ARHGAP8: variants seen among roughly 807,000 people sequenced by gnomAD.
ARHGAP8 encodes the protein rho GTPase-activating protein 8.
In ARHGAP8, 62 loss-of-function variants were observed where a neutral mutation model predicts 46.1. The ratio of observed to expected loss-of-function variants is 1.34; its 90% confidence interval spans 1.10 to 1.66. The LOEUF (loss-of-function observed/expected upper bound fraction) is 1.66. ARHGAP8 is among the 40% of genes most tolerant of loss of function. The pLI is 0.00. For missense variants in ARHGAP8, 923 were observed against 568.4 expected (o/e 1.62, Z -6.34); for synonymous variants, 375 against 243.1 (o/e 1.54, Z -5.05).
chr22:44,783,607 A>C (rs1410448506), intron 1 of ARHGAP8, among the ~76,000 whole-genome samples: 1 of 151,992 alleles, frequency 6.6e-6, no homozygotes, highest in Non-Finnish European at 1.5e-5. Flanking sequence ...CCTCTGCTCC[A>C]CCGCACTAGA....
At chr22:44,767,369 A>T (rs1925654384) in intron 1 of ARHGAP8, among the ~76,000 whole-genome samples, 1 of 152,084 alleles carries the variant, frequency 6.6e-6, no homozygotes, top group African/African-American at 2.4e-5. Flanking sequence ...GAACTATTGG[A>T]GAGTAAGCTG....
At chr22:44,841,553 T>C (rs1276759282) in intron 7 of ARHGAP8, among the ~76,000 whole-genome samples, 1 of 152,154 alleles carries the variant, frequency 6.6e-6, no homozygotes, top group Non-Finnish European at 1.5e-5. Context: ...GCGCTCAGGG[T>C]ATCTCTCTTC....
At chr22:44,754,916 C>T (rs557407782) in intron 1 of ARHGAP8, among the ~76,000 whole-genome samples, 1 of 152,264 alleles carries the variant, frequency 6.6e-6, no homozygotes, top group African/African-American at 2.4e-5. Flanking sequence ...GAGGCACAGG[C>T]AGCATGAGGG....
chr22:44,861,530 G>A (rs2070484180), intron 11 of ARHGAP8, among the ~76,000 whole-genome samples: 1 of 152,192 alleles, frequency 6.6e-6, no homozygotes, highest in South Asian at 2.1e-4. Flanking sequence ...ATCTGTGAGG[G>A]TGGTGCCTGG....
intron 8 of ARHGAP8, among the ~76,000 whole-genome samples, chr22:44,846,107 G>C (rs1256005724): frequency 6.6e-6 from 1 of 152,072 alleles, no homozygotes; most frequent in Non-Finnish European, 1.5e-5. Flanking sequence ...CCCCTAACAT[G>C]GCCAGACCCC....
chr22:44,860,520 T>G lies in ARHGAP8; in HGVS notation c.981+686T>G, dbSNP rs115916783. On this transcript the variant is annotated intron_variant, in intron 11 of 11. Transcript: ENST00000356099. ...TCACTGGGTTTAGGACCCACCCAGA[T>G]GACGCGGGATGATCTCATCTTGAGA... is the stretch of plus-strand genomic sequence containing the variant. Among the ~76,000 whole-genome samples the G allele has an allele frequency of 2.5e-3, 341 of 134,666 alleles. 2 individuals are homozygous for G. Among genetic ancestry groups the G allele is most frequent in the African/African-American group, 9.0e-3 (326 of 36,214 alleles). The allele number at this position is 134,666 out of a possible 152,430, so 88.3% of individuals were successfully genotyped here. A position where few individuals can be genotyped will look rare whatever the true frequency, so the allele number is the denominator to read the frequency against.
Position 44,848,032 on chromosome 22 carries a change from C to G in ARHGAP8, c.730C>G (p.Gln244Glu), listed in dbSNP as rs1380105315. 3 of 1,607,350 alleles carry G rather than the reference C, an allele frequency of 1.9e-6. No individual in the cohort carries two copies. Among genetic ancestry groups the G allele is most frequent in the African/African-American group, 2.7e-5 (2 of 74,946 alleles). Reference sequence around the variant, plus strand: ...CAGCGTGCAGACCGTCCGCGAGATCCAGAGGCTCTACAACCAAGGTGAGGG... The same window carrying G: ...CAGCGTGCAGACCGTCCGCGAGATCGAGAGGCTCTACAACCAAGGTGAGGG... ...SASVQTVREIQRLYNQGKPVN... is the reference protein window; with the variant it reads ...SASVQTVREIERLYNQGKPVN... Residue 244 changes from glutamine (Q) to glutamate (E), a missense_variant, in exon 9 of 12, where the codon CAG becomes GAG. By Grantham distance (29) the Gln-to-Glu change is conservative. Transcript: ENST00000356099.
chr22:44,839,561 G>A (rs1931516535), intron 7 of ARHGAP8, among the ~76,000 whole-genome samples: 1 of 152,174 alleles, frequency 6.6e-6, no homozygotes, highest in Admixed American at 6.5e-5. Context: ...GAGCAGAGAT[G>A]GAAACCCAGG....
At chr22:44,780,896 G>C (rs1926797636) in intron 1 of ARHGAP8, among the ~76,000 whole-genome samples, 1 of 152,184 alleles carries the variant, frequency 6.6e-6, no homozygotes. Flanking sequence ...GCTAGGTTCT[G>C]TTTCCCATTT....
At position 44,859,758 on chromosome 22, in the gene ARHGAP8, G is replaced by A. The variant is rs1302723534; in HGVS notation, c.905G>A (p.Gly302Asp). 8.1e-6 allele frequency: 13 copies of A among 1,613,800 alleles called. No individual in the cohort carries two copies. In the East Asian group the frequency reaches 1.8e-4, roughly 22 times the overall value. ...GTGGAGAGCAGCCTGCGTGTCACTG[G>A]CTGCCGCCAGATCTTACGGAGCCTC... Reference protein sequence around the residue: ...TCVESSLRVTGCRQILRSLPE... With the variant: ...TCVESSLRVTDCRQILRSLPE... The change falls in exon 11 of 12, where the codon GGC (glycine) becomes GAC (aspartate). Residue 302 changes from glycine (G) to aspartate (D), a missense_variant. By Grantham distance (94) the Gly-to-Asp change is moderately conservative. Transcript: ENST00000356099.
intron 2 of ARHGAP8, among the ~76,000 whole-genome samples, chr22:44,794,402 C>T (rs900530647): frequency 1.3e-5 from 2 of 151,312 alleles, no homozygotes; most frequent in East Asian, 3.9e-4. Context: ...TGCTTTTTTT[C>T]TCTCTCTCTC....
chr22:44,819,425 A>T (rs1274254847), intron 5 of ARHGAP8, among the ~76,000 whole-genome samples: 1 of 152,208 alleles, frequency 6.6e-6, no homozygotes, highest in African/African-American at 2.4e-5. Context: ...TAATCCCAGC[A>T]CTTTGGGAGG....
At chr22:44,859,880 C>T in intron 11 of ARHGAP8, 46 bp downstream of exon 11, 1 of 1,600,020 alleles carries the variant, frequency 6.2e-7, no homozygotes. Context: ...AGTGGCCTTC[C>T]CTCCCATGCT....
chr22:44,861,766 G>T (rs890505242), intron 11 of ARHGAP8, among the ~76,000 whole-genome samples: 6 of 152,194 alleles, frequency 3.9e-5, no homozygotes, highest in Non-Finnish European at 8.8e-5. Context: ...GTAAGATGGG[G>T]AGTAATGACT....
intron 3 of ARHGAP8, among the ~76,000 whole-genome samples, chr22:44,807,525 G>T (rs1929018914): frequency 6.6e-6 from 1 of 152,174 alleles, no homozygotes; most frequent in Admixed American, 6.5e-5. Flanking sequence ...CAGGCAGCCG[G>T]GTGTCTGAGG....
At chr22:44,792,809 T>TGGTGGTGTC (rs1319840987) in intron 2 of ARHGAP8, among the ~76,000 whole-genome samples, 1 of 49,680 alleles carries the variant, frequency 2.0e-5, no homozygotes, top group East Asian at 7.1e-4. Flanking sequence ...GTGGTGGTGG[T>TGGTGGTGTC]GGTTTTTTTT....
chr22:44,862,231 C>A (rs2070527562), intron 11 of ARHGAP8, 44 bp from the exon 12 acceptor site: 2 of 1,548,110 alleles, frequency 1.3e-6, no homozygotes, highest in Non-Finnish European at 1.8e-6. Flanking sequence ...GTGCCCGTGC[C>A]CCTTGGTGTT....
chr22:44,833,207 C>T (rs968277756), intron 7 of ARHGAP8, among the ~76,000 whole-genome samples: 5 of 151,314 alleles, frequency 3.3e-5, no homozygotes, highest in African/African-American at 1.2e-4. Flanking sequence ...AGTGATCCTC[C>T]TGTCTCAGCT....
At chr22:44,790,227 C>T (rs1927558295) in intron 2 of ARHGAP8, among the ~76,000 whole-genome samples, 1 of 151,898 alleles carries the variant, frequency 6.6e-6, no homozygotes, top group East Asian at 1.9e-4. Context: ...GAGTTAATGT[C>T]GTGGCAGTGG....
Sources: allele counts gnomAD v4.1 joint callset (sites outside exome capture counted in the v4.1 genomes callset), GRCh38; gene constraint gnomAD v4.1.1; transcripts MANE v1.5; gene names NCBI Gene and HGNC (gene_info 2026-07-23, HGNC 2026-07-21).